Variants in MYO16 observed in about 807,000 individuals in gnomAD.
MYO16 encodes unconventional myosin-XVI.
Under a neutral mutation model 205.3 loss-of-function variants are expected in MYO16, and 94 were observed. The observed-to-expected ratio is 0.46, with a 90% CI of 0.39 to 0.54. The LOEUF (loss-of-function observed/expected upper bound fraction) is 0.54, where lower values mean the gene tolerates loss of function less well. Ranked by LOEUF, MYO16 falls within the 20% of genes least tolerant of loss-of-function variation. The probability of loss-of-function intolerance (pLI) is 0.00; values close to 1 mark genes in which losing one functional copy is unlikely to be tolerated. For synonymous variants in MYO16, 988 were observed against 954.0 expected (o/e 1.04, Z -0.66); for missense variants, 2,315 against 2,387.5 (o/e 0.97, Z 0.63).
intron 7 of MYO16, among the ~76,000 whole-genome samples, chr13:108,815,547 G>A (rs1391996693): frequency 6.6e-6 from 1 of 152,154 alleles, no homozygotes; most frequent in African/African-American, 2.4e-5. Context: ...AACTGGAGAA[G>A]CCAGAAACAA....
the MYO16 span, among the ~76,000 whole-genome samples, chr13:108,522,033 T>C: frequency 6.6e-6 from 1 of 152,194 alleles, no homozygotes. Flanking sequence ...GGTTTCCCAA[T>C]AAATAGTTAT....
intron 25 of MYO16, among the ~76,000 whole-genome samples, chr13:109,053,898 G>T (rs1218058915): frequency 6.6e-6 from 1 of 152,000 alleles, no homozygotes; most frequent in African/African-American, 2.4e-5. Flanking sequence ...TCACTTGTCA[G>T]TACCAATGAA....
chr13:108,694,026 C>G (rs1275010993), intron 2 of MYO16, among the ~76,000 whole-genome samples: 1 of 152,162 alleles, frequency 6.6e-6, no homozygotes, highest in Admixed American at 6.5e-5. Flanking sequence ...CATGTCCCTG[C>G]AAAGGATACA....
At chr13:108,991,929 T>C (rs183311604) in intron 20 of MYO16, among the ~76,000 whole-genome samples, 3 of 152,214 alleles carry the variant, frequency 2.0e-5, no homozygotes, top group Non-Finnish European at 4.4e-5. Flanking sequence ...CAAATTCTTG[T>C]TTTTTAAAAT....
At chr13:108,925,670 G>A (rs139937789) in intron 16 of MYO16, among the ~76,000 whole-genome samples, 18 of 152,136 alleles carry the variant, frequency 1.2e-4, no homozygotes, top group South Asian at 6.2e-4. Flanking sequence ...CCAGCCCATC[G>A]GCAAGTCCTT....
chr13:108,556,157 T>G, the MYO16 span, among the ~76,000 whole-genome samples: 5 of 152,320 alleles, frequency 3.3e-5, no homozygotes, highest in East Asian at 9.6e-4. Context: ...GATATATATC[T>G]GGTAGTAAGA....
At chr13:108,603,707 G>A (rs1213230021) in intron 1 of MYO16, among the ~76,000 whole-genome samples, 1 of 152,044 alleles carries the variant, frequency 6.6e-6, no homozygotes. Context: ...GGCTATGATT[G>A]TACCAGGTTA....
chr13:108,694,870 T>G (rs1406732816), intron 2 of MYO16, among the ~76,000 whole-genome samples: 1 of 152,138 alleles, frequency 6.6e-6, no homozygotes, highest in Non-Finnish European at 1.5e-5. Flanking sequence ...CCCAGCACTT[T>G]GGGAGGCTGA....
At chr13:109,148,303 A>G (rs529888124) in intron 32 of MYO16, among the ~76,000 whole-genome samples, 1 of 152,280 alleles carries the variant, frequency 6.6e-6, no homozygotes, top group African/African-American at 2.4e-5. Context: ...TTTTCTCACA[A>G]CTTGTAGCGC....
At chr13:108,967,308 T>G (rs560590330) in intron 20 of MYO16, among the ~76,000 whole-genome samples, 402 of 152,288 alleles carry the variant, frequency 2.6e-3, no homozygotes, top group African/African-American at 9.0e-3. Flanking sequence ...ATTCATTTCT[T>G]GGATTACAGT....
At chr13:108,559,476 T>TC in the MYO16 span, among the ~76,000 whole-genome samples, 5 of 133,114 alleles carry the variant, frequency 3.8e-5, no homozygotes, top group South Asian at 2.6e-4. Context: ...TTTTCTTTTT[T>TC]TTTTTTTTTT....
At chr13:108,495,971 G>A in the MYO16 span, among the ~76,000 whole-genome samples, 5 of 152,220 alleles carry the variant, frequency 3.3e-5, no homozygotes, top group Admixed American at 3.3e-4. Context: ...CGCGGGGAAC[G>A]CGGCGGGGCA....
At chr13:108,938,030 T>C (rs959909298) in intron 16 of MYO16, among the ~76,000 whole-genome samples, 2 of 152,178 alleles carry the variant, frequency 1.3e-5, no homozygotes, top group African/African-American at 4.8e-5. Flanking sequence ...TTTGTAATTA[T>C]TTTTATGCAT....
intron 3 of MYO16, among the ~76,000 whole-genome samples, chr13:108,716,649 C>T (rs1883954974): frequency 6.6e-6 from 1 of 152,144 alleles, no homozygotes; most frequent in African/African-American, 2.4e-5. Context: ...GTGCTGTTGG[C>T]CTCACCTTTT....
intron 1 of MYO16, among the ~76,000 whole-genome samples, chr13:108,603,598 G>A (rs1309541647): frequency 4.6e-5 from 7 of 151,398 alleles, no homozygotes; most frequent in South Asian, 2.1e-4. Context: ...TAACTTCTTC[G>A]GATGAACTTG....
At chr13:108,686,023 A>G in intron 2 of MYO16, among the ~76,000 whole-genome samples, 1 of 152,232 alleles carries the variant, frequency 6.6e-6, no homozygotes, top group African/African-American at 2.4e-5. Flanking sequence ...TGGGAGACAC[A>G]GGTCAGCCCA....
At chr13:109,050,059 A>G (rs1887195282) in intron 24 of MYO16, among the ~76,000 whole-genome samples, 1 of 151,736 alleles carries the variant, frequency 6.6e-6, no homozygotes, top group Non-Finnish European at 1.5e-5. Context: ...ACGGGACATT[A>G]TCTTACATAA....
At chr13:109,202,099 A>T (rs939377533) in intron 34 of MYO16, among the ~76,000 whole-genome samples, 12 of 151,988 alleles carry the variant, frequency 7.9e-5, no homozygotes, top group African/African-American at 2.9e-4. Flanking sequence ...TTATCCACTC[A>T]TTGATTGATG....
chr13:108,986,161 G>C (rs9514951), intron 20 of MYO16, among the ~76,000 whole-genome samples: 1 of 152,024 alleles, frequency 6.6e-6, no homozygotes, highest in African/African-American at 2.4e-5. Flanking sequence ...CCCATGATTC[G>C]ATTACCTCCC....
Sources: gnomAD v4.1 joint callset for allele counts (sites outside exome capture counted in the v4.1 genomes callset) on GRCh38, gnomAD v4.1.1 for gene constraint, MANE v1.5 for transcripts, NCBI Gene and HGNC (gene_info 2026-07-23, HGNC 2026-07-21) for gene names.